The following UNC5D variants were observed in gnomAD, a reference collection of about 807,000 sequenced individuals.
UNC5D encodes unc-5 netrin receptor D, also known as netrin receptor UNC5D.
In UNC5D, 39 loss-of-function variants were observed where a neutral mutation model predicts 105.4. The ratio of observed to expected loss-of-function variants is 0.37; its 90% CI spans 0.29 to 0.48. The LOEUF is 0.48. Ranked by LOEUF, UNC5D falls within the 20% of genes least tolerant of loss-of-function variation. The pLI is 0.98. For synonymous variants in UNC5D, 452 were observed against 450.4 expected, an observed-to-expected ratio of 1.00 and a Z score of -0.04; for missense variants, 991 against 1,202.4, an observed-to-expected ratio of 0.82 and a Z score of 2.60.
chr8:35,385,650 G>A (rs1259573089), intron 1 of UNC5D, among the ~76,000 whole-genome samples: 2 of 151,768 alleles, frequency 1.3e-5, no homozygotes, highest in Non-Finnish European at 2.9e-5. Context: ...TATTTTTAAT[G>A]GAGACGGGGT....
At chr8:35,421,178 A>G (rs1805876849) in intron 1 of UNC5D, among the ~76,000 whole-genome samples, 1 of 152,158 alleles carries the variant, frequency 6.6e-6, no homozygotes, top group African/African-American at 2.4e-5. Context: ...GTGGTTTATT[A>G]TCTCAAGAAC....
At chr8:35,638,550 C>T (rs116276188) in intron 4 of UNC5D, among the ~76,000 whole-genome samples, 2,382 of 151,824 alleles carry the variant, frequency 0.016, 71 homozygotes, top group African/African-American at 0.055. Context: ...ATCCTAGTGC[C>T]TTAGGAGGCC....
intron 16 of UNC5D, among the ~76,000 whole-genome samples, chr8:35,789,137 C>CAATATATATATA (rs1491172701): frequency 3.1e-5 from 1 of 32,432 alleles, no homozygotes; most frequent in African/African-American, 6.8e-5. Context: ...GGAGAAAAGA[C>CAATATATATATA]TATATATATA....
rs151100762 is a variant in UNC5D at position 35,640,704 on chromosome 8, C to T, written c.571-42843C>T. 6.4e-3 allele frequency among the ~76,000 whole-genome samples: 978 copies of T among 152,216 alleles called. 7 individuals carry two copies. Among genetic ancestry groups the T allele is most frequent in the African/African-American group, 0.023 (937 of 41,544 alleles). On this transcript the variant is annotated intron_variant, in intron 4 of 16. Coordinates refer to ENST00000404895, the MANE Select transcript of UNC5D (RefSeq NM_080872.4). ...TTTCAAAATCTAAATTCCCTGAAAA[C>T]GCAGAGATGTTTTTCACAGTTGTAA...
intron 16 of UNC5D, among the ~76,000 whole-genome samples, chr8:35,787,347 T>C (rs1466998403): frequency 2.6e-5 from 4 of 152,160 alleles, no homozygotes; most frequent in Non-Finnish European, 5.9e-5. Context: ...ATAGAGATCA[T>C]AAAGAATCAT....
intron 1 of UNC5D, among the ~76,000 whole-genome samples, chr8:35,496,962 C>T (rs1289229917): frequency 1.3e-5 from 2 of 152,102 alleles, no homozygotes; most frequent in African/African-American, 4.8e-5. Flanking sequence ...ACCCATCCTA[C>T]ATTCATGACT....
At position 35,705,121 on chromosome 8, in the gene UNC5D, C is replaced by T. The variant is rs567466524; in HGVS notation, c.1085-808C>T. 2.6e-5 allele frequency among the ~76,000 whole-genome samples: 4 copies of T among 152,182 alleles called. No homozygotes were observed. In the East Asian group the frequency reaches 7.8e-4, roughly 30 times the overall value. ...CTGGGACTACAGGCGCCTGCCACCT[C>T]GCCCGGCTAATTTTTTACATTTTTA... On this transcript the variant is annotated intron_variant, in intron 7 of 16. Coordinates refer to ENST00000404895, the MANE Select transcript of UNC5D (RefSeq NM_080872.4).
At chr8:35,781,389 G>A (rs926870234) in intron 16 of UNC5D, among the ~76,000 whole-genome samples, 2 of 152,136 alleles carry the variant, frequency 1.3e-5, no homozygotes, top group African/African-American at 4.8e-5. Flanking sequence ...CCCACTGTGG[G>A]CTCCAGGGGA....
rs576913709 is a variant in UNC5D at position 35,256,108 on chromosome 8, G to T, written c.103+20221G>T. ...CCCTATGTGTATACACACATACATGGTGTTAGTGTTTTGTAGCTAATGGTT... is the reference window on the plus strand; with the variant it reads ...CCCTATGTGTATACACACATACATGTTGTTAGTGTTTTGTAGCTAATGGTT... On this transcript the variant is annotated intron_variant, in intron 1 of 16. Coordinates refer to ENST00000404895, the MANE Select transcript of UNC5D (RefSeq NM_080872.4). 5 of 152,256 alleles carry T rather than the reference G, an allele frequency of 3.3e-5. No homozygotes were observed. In the South Asian group the frequency reaches 1.0e-3, roughly 32 times the overall value. 9.4% of individuals were successfully genotyped at this position (152,256 alleles called of 1,614,324 possible).
At chr8:35,771,587 G>T (rs1423185741) in intron 15 of UNC5D, among the ~76,000 whole-genome samples, 1 of 152,148 alleles carries the variant, frequency 6.6e-6, no homozygotes, top group Non-Finnish European at 1.5e-5. Flanking sequence ...AGCTGAGTAG[G>T]TTCATTTTAT....
intron 2 of UNC5D, among the ~76,000 whole-genome samples, chr8:35,563,149 A>G (rs930472870): frequency 2.6e-5 from 4 of 151,956 alleles, no homozygotes; most frequent in African/African-American, 9.7e-5. Context: ...GAAAGAAGTC[A>G]TTGGTATTTT....
intron 1 of UNC5D, among the ~76,000 whole-genome samples, chr8:35,483,876 T>A (rs1307974055): frequency 6.6e-6 from 1 of 152,168 alleles, no homozygotes; most frequent in Non-Finnish European, 1.5e-5. Flanking sequence ...AGGCAGTCAC[T>A]TAGGCTGCTT....
intron 3 of UNC5D, among the ~76,000 whole-genome samples, chr8:35,571,168 A>G (rs138253156): frequency 7.5e-4 from 114 of 152,292 alleles, no homozygotes; most frequent in South Asian, 4.4e-3. Flanking sequence ...ACACTGTTCT[A>G]TCACTTCCCA....
At chr8:35,753,230 C>G (rs540497632) in intron 13 of UNC5D, among the ~76,000 whole-genome samples, 1 of 152,106 alleles carries the variant, frequency 6.6e-6, no homozygotes, top group South Asian at 2.1e-4. Context: ...TATTCTCCCT[C>G]TAATTGAATC....
At chr8:35,335,744 TGAGAGATTGCAA>T (rs1810975153) in intron 1 of UNC5D, among the ~76,000 whole-genome samples, 2 of 140,384 alleles carry the variant, frequency 1.4e-5, no homozygotes, top group African/African-American at 6.0e-5. Context: ...TAGAATGAAA[TGAGAGATTGCAA>T]TTTTTTTTTT....
chr8:35,751,674 C>T (rs1413260798), intron 13 of UNC5D, among the ~76,000 whole-genome samples: 1 of 152,128 alleles, frequency 6.6e-6, no homozygotes, highest in Admixed American at 6.5e-5. Flanking sequence ...GGGATACCTA[C>T]CTTGAAGCAA....
At chr8:35,652,740 C>T (rs28517656) in intron 4 of UNC5D, among the ~76,000 whole-genome samples, 1 of 151,232 alleles carries the variant, frequency 6.6e-6, no homozygotes, top group African/African-American at 2.4e-5. Context: ...TACATGTTAT[C>T]ATCTTGAAGA....
At chr8:35,503,351 G>C (rs1451130056) in intron 1 of UNC5D, among the ~76,000 whole-genome samples, 1 of 152,204 alleles carries the variant, frequency 6.6e-6, no homozygotes, top group Non-Finnish European at 1.5e-5. Context: ...GCAGGCAAGA[G>C]AGAATGAGAG....
Position 35,269,941 on chromosome 8 carries a change from C to A in UNC5D, c.103+34054C>A, listed in dbSNP as rs530889855. Among the ~76,000 whole-genome samples, 7 of 152,240 alleles carry A rather than the reference C, an allele frequency of 4.6e-5. No individual in the cohort carries two copies. The South Asian group carries it at 1.5e-3, about 32-fold the overall frequency. ...GTGTTCAGTACAGCTTTGATGGCAT[C>A]CCCCAGCCACTAAAGTATGAGAGAT... On this transcript the variant is annotated intron_variant, in intron 1 of 16. Coordinates refer to ENST00000404895, the MANE Select transcript of UNC5D (RefSeq NM_080872.4).
Sources: allele counts gnomAD v4.1 joint callset (sites outside exome capture counted in the v4.1 genomes callset), GRCh38; gene constraint gnomAD v4.1.1; transcripts MANE v1.5; gene names NCBI Gene and HGNC (gene_info 2026-07-23, HGNC 2026-07-21).